The following CHCHD6 variants were observed in gnomAD, a reference collection of about 807,000 sequenced individuals.
CHCHD6 encodes the protein coiled-coil-helix-coiled-coil-helix domain containing 6.
Under a neutral mutation model 32.3 loss-of-function variants are expected in CHCHD6, and 28 were observed. The observed-to-expected ratio is 0.87, with a 90% CI of 0.64 to 1.19. CHCHD6 has a LOEUF of 1.19. Among genes scored for constraint, CHCHD6 ranks in the 50% most tolerant of loss-of-function variants. CHCHD6 has a pLI of 0.00. For synonymous variants in CHCHD6, 122 were observed against 117.5 expected (o/e 1.04, Z -0.25); for missense variants, 333 against 307.0 (o/e 1.08, Z -0.63).
intron 6 of CHCHD6, among the ~76,000 whole-genome samples, chr3:126,916,562 G>A (rs2078174285): frequency 6.6e-6 from 1 of 152,212 alleles, no homozygotes; most frequent in Non-Finnish European, 1.5e-5. Context: ...CACAGGGCCT[G>A]AGTGAGTAAG....
chr3:126,822,046 C>T (rs1009493807), intron 4 of CHCHD6, among the ~76,000 whole-genome samples: 3 of 152,116 alleles, frequency 2.0e-5, no homozygotes, highest in African/African-American at 7.2e-5. Context: ...TTTTGAAGCA[C>T]AAAGGTTTTT....
chr3:126,763,917 T>C (rs1363872342), intron 4 of CHCHD6, among the ~76,000 whole-genome samples: 1 of 152,162 alleles, frequency 6.6e-6, no homozygotes, highest in African/African-American at 2.4e-5. Context: ...ATTTTGGATG[T>C]ACATAATGCT....
chr3:126,854,495 G>T (rs564985478), intron 5 of CHCHD6, among the ~76,000 whole-genome samples: 1 of 152,204 alleles, frequency 6.6e-6, no homozygotes, highest in African/African-American at 2.4e-5. Flanking sequence ...TTTGAAAAAG[G>T]TTTTTGATCT....
At chr3:126,744,062 G>A (rs996006019) in intron 4 of CHCHD6, among the ~76,000 whole-genome samples, 1 of 152,164 alleles carries the variant, frequency 6.6e-6, no homozygotes. Flanking sequence ...CCACTCTTCT[G>A]TGTGTGGATC....
chr3:126,935,174 C>A (rs1365146923), intron 6 of CHCHD6: 2 of 987,196 alleles, frequency 2.0e-6, no homozygotes, highest in South Asian at 4.7e-5. Context: ...AACATTTCTG[C>A]CTTGAATGTC....
chr3:126,946,785 G>A (rs1270521577), intron 6 of CHCHD6, among the ~76,000 whole-genome samples: 1 of 152,196 alleles, frequency 6.6e-6, no homozygotes, highest in Non-Finnish European at 1.5e-5. Context: ...CAAGATGAAT[G>A]TCTAATTCAC....
chr3:126,861,383 C>G (rs1211523565), intron 5 of CHCHD6, among the ~76,000 whole-genome samples: 1 of 151,960 alleles, frequency 6.6e-6, no homozygotes, highest in Admixed American at 6.5e-5. Context: ...TCACTTTCTT[C>G]ATCTATATAA....
In CHCHD6 at chr3:126,758,010, G is replaced by C. The variant is rs117434716; in HGVS notation, c.411+24788G>C. Among the ~76,000 whole-genome samples, 294 of 152,308 alleles carry C rather than the reference G, an allele frequency of 1.9e-3. 6 individuals carry two copies. In the East Asian group the frequency reaches 0.053, roughly 27 times the overall value. On this transcript the variant is annotated intron_variant, in intron 4 of 7. Transcript: ENST00000290913. ...CCACTCTCAGGTCTTTTAGTGGAAGGCAGGTTTTTGGTAAGTTTTTGAGCT... is the reference window on the plus strand; with the variant it reads ...CCACTCTCAGGTCTTTTAGTGGAAGCCAGGTTTTTGGTAAGTTTTTGAGCT...
At chr3:126,832,640 A>C (rs1343505273) in intron 4 of CHCHD6, among the ~76,000 whole-genome samples, 1 of 152,178 alleles carries the variant, frequency 6.6e-6, no homozygotes, top group Non-Finnish European at 1.5e-5. Context: ...AAGATACAGG[A>C]AGACTGGAGA....
At chr3:126,880,782 T>C (rs2077597955) in intron 5 of CHCHD6, among the ~76,000 whole-genome samples, 1 of 152,208 alleles carries the variant, frequency 6.6e-6, no homozygotes, top group Non-Finnish European at 1.5e-5. Flanking sequence ...ACATCTCTTT[T>C]TTTTCATGTT....
intron 4 of CHCHD6, chr3:126,766,822 C>A: frequency 2.0e-6 from 2 of 992,056 alleles, no homozygotes; most frequent in Non-Finnish European, 3.3e-6. Flanking sequence ...GCAGGTGTAA[C>A]CAGTATAGAT....
chr3:126,789,739 C>G lies in CHCHD6; in HGVS notation c.411+56517C>G, dbSNP rs539877279. Reference sequence around the variant, plus strand: ...GTGTCTCTGCACGTGAGATGGGTTTCCTGAATACAGCACACCGATGGGTCT... The same window carrying G: ...GTGTCTCTGCACGTGAGATGGGTTTGCTGAATACAGCACACCGATGGGTCT... On this transcript the variant is annotated intron_variant, in intron 4 of 7. Transcript: ENST00000290913. 5.9e-5 allele frequency among the ~76,000 whole-genome samples: 9 copies of G among 152,256 alleles called. No individual in the cohort carries two copies. In the South Asian group the frequency reaches 1.9e-3, roughly 32 times the overall value.
At chr3:126,717,783 G>A (rs546797878) in intron 1 of CHCHD6, among the ~76,000 whole-genome samples, 4 of 147,110 alleles carry the variant, frequency 2.7e-5, no homozygotes, top group South Asian at 2.3e-4. Flanking sequence ...GTGTGTGTGT[G>A]TGTGGCTTAG....
At chr3:126,846,699 T>C (rs188333355) in intron 4 of CHCHD6, among the ~76,000 whole-genome samples, 88 of 152,386 alleles carry the variant, frequency 5.8e-4, no homozygotes, top group African/African-American at 2.0e-3. Flanking sequence ...CTTTTTCTAC[T>C]AGGTTCTTTA....
intron 5 of CHCHD6, among the ~76,000 whole-genome samples, chr3:126,904,136 A>G (rs1322245812): frequency 2.6e-5 from 4 of 152,174 alleles, no homozygotes; most frequent in Middle Eastern, 3.2e-3. Context: ...TTATATACCA[A>G]AACACAAACC....
At chr3:126,786,435 G>C (rs571243642) in intron 4 of CHCHD6, among the ~76,000 whole-genome samples, 2 of 152,294 alleles carry the variant, frequency 1.3e-5, no homozygotes, top group African/African-American at 4.8e-5. Context: ...CTAGTTTACA[G>C]TCCCACCAAC....
intron 5 of CHCHD6, among the ~76,000 whole-genome samples, chr3:126,861,609 C>T (rs1165068011): frequency 6.6e-6 from 1 of 151,622 alleles, no homozygotes; most frequent in African/African-American, 2.4e-5. Context: ...CCATTACCAC[C>T]TCCTCCTCCA....
Position 126,945,647 on chromosome 3 carries a change from C to T in CHCHD6, c.567-11769C>T, listed in dbSNP as rs1240809387. Among the ~76,000 whole-genome samples the T allele has an allele frequency of 1.9e-4, 22 of 117,336 alleles. No homozygotes were observed. In the East Asian group the frequency reaches 5.5e-3, roughly 29 times the overall value. 77.0% of individuals were successfully genotyped at this position (117,336 alleles called of 152,430 possible). On this transcript the variant is annotated intron_variant, in intron 6 of 7. Coordinates refer to ENST00000290913, the MANE Select transcript of CHCHD6 (RefSeq NM_032343.3). ...GATGGGGGAGACTCAAGTCGGGAGA[C>T]TCAGGGAGACTCAAGCGGGGAGACT...
chr3:126,727,950 G>A (rs897517513), intron 2 of CHCHD6, among the ~76,000 whole-genome samples: 1 of 151,592 alleles, frequency 6.6e-6, no homozygotes, highest in Non-Finnish European at 1.5e-5. Flanking sequence ...ACTTGGGTCT[G>A]TCTATCAGAT....
Sources: gnomAD v4.1 joint callset for allele counts (sites outside exome capture counted in the v4.1 genomes callset) on GRCh38, gnomAD v4.1.1 for gene constraint, MANE v1.5 for transcripts, NCBI Gene and HGNC (gene_info 2026-07-23, HGNC 2026-07-21) for gene names.